The following MEOX2 variants were observed in gnomAD, a reference collection of about 807,000 sequenced individuals.
MEOX2 encodes the protein mesenchyme homeobox 2, also known as homeobox protein MOX-2.
A neutral mutation model predicts 27.0 loss-of-function variants in MEOX2; 11 were observed. The observed-to-expected ratio is 0.41, with a 90% CI of 0.26 to 0.68. The LOEUF is 0.68. MEOX2 is among the 30% of genes least tolerant of loss of function. The pLI is 0.33. For missense variants in MEOX2, 436 were observed against 385.4 expected, an observed-to-expected ratio of 1.13 and a Z score of -1.10; for synonymous variants, 189 against 155.4, an observed-to-expected ratio of 1.22 and a Z score of -1.61.
chr7:15,672,728 T>C (rs1782122677), intron 1 of MEOX2, among the ~76,000 whole-genome samples: 2 of 151,808 alleles, frequency 1.3e-5, no homozygotes, highest in East Asian at 3.9e-4. Flanking sequence ...CCATCTCTAC[T>C]AAAAATACAA....
intron 1 of MEOX2, among the ~76,000 whole-genome samples, chr7:15,628,333 T>A (rs1347604585): frequency 6.6e-6 from 1 of 152,112 alleles, no homozygotes; most frequent in East Asian, 1.9e-4. Context: ...CTTAGCAGTA[T>A]CTAAGTGAGC....
chr7:15,628,948 C>A (rs901387847), intron 1 of MEOX2, among the ~76,000 whole-genome samples: 1 of 152,044 alleles, frequency 6.6e-6, no homozygotes, highest in African/African-American at 2.4e-5. Flanking sequence ...ATTGAAAGAA[C>A]TTTTGCCAAT....
At chr7:15,656,190 T>C (rs1321129896) in intron 1 of MEOX2, among the ~76,000 whole-genome samples, 1 of 151,812 alleles carries the variant, frequency 6.6e-6, no homozygotes, top group Non-Finnish European at 1.5e-5. Context: ...AAAGTTTGCC[T>C]GGTAAATCCT....
chr7:15,625,928 A>C (rs1299127037), intron 2 of MEOX2, among the ~76,000 whole-genome samples: 1 of 152,172 alleles, frequency 6.6e-6, no homozygotes, highest in Non-Finnish European at 1.5e-5. Flanking sequence ...AATAATTTCA[A>C]AGTATTCTCT....
At chr7:15,658,277 T>C (rs1455981865) in intron 1 of MEOX2, among the ~76,000 whole-genome samples, 5 of 152,134 alleles carry the variant, frequency 3.3e-5, no homozygotes, top group Non-Finnish European at 7.4e-5. Context: ...GGGTTCTCAT[T>C]AAAGCCTGGT....
chr7:15,629,367 T>C lies in MEOX2; in HGVS notation c.518-2449A>G, dbSNP rs571501664. 3.3e-5 allele frequency among the ~76,000 whole-genome samples: 5 copies of C among 152,180 alleles called. 1 individual carries two copies. The East Asian group carries it at 9.7e-4, about 29-fold the overall frequency. On this transcript the variant is annotated intron_variant, in intron 1 of 2. Transcript: ENST00000262041. ...ACAGGAGGTTTATACAGCCAGTGAC[T>C]GGATTTAAGCTAAAATCTGGCTGTA...
At chr7:15,624,421 A>AG (rs771266922) in intron 2 of MEOX2, among the ~76,000 whole-genome samples, 47 of 152,272 alleles carry the variant, frequency 3.1e-4, no homozygotes, top group Non-Finnish European at 5.7e-4. Flanking sequence ...CTTCCAATGA[A>AG]GCGATCTTGT....
chr7:15,674,574 G>T (rs918665726), intron 1 of MEOX2, among the ~76,000 whole-genome samples: 31 of 152,038 alleles, frequency 2.0e-4, no homozygotes, highest in African/African-American at 7.2e-4. Flanking sequence ...GTGTGTGTGT[G>T]TGTGTGTGTG....
At chr7:15,630,778 T>C (rs1781388818) in intron 1 of MEOX2, among the ~76,000 whole-genome samples, 1 of 152,044 alleles carries the variant, frequency 6.6e-6, no homozygotes, top group Admixed American at 6.6e-5. Flanking sequence ...GAAAAATTTA[T>C]GAAATCATTC....
chr7:15,682,916 A>G (rs1562618783), intron 1 of MEOX2, among the ~76,000 whole-genome samples: 1 of 152,014 alleles, frequency 6.6e-6, no homozygotes, highest in African/African-American at 2.4e-5. Context: ...TTTAACACAT[A>G]TAAAATATAA....
At chr7:15,665,687 T>C (rs1781992151) in intron 1 of MEOX2, among the ~76,000 whole-genome samples, 1 of 152,200 alleles carries the variant, frequency 6.6e-6, no homozygotes, top group Admixed American at 6.5e-5. Flanking sequence ...TTAAAAATAC[T>C]GGCAAAGTAA....
chr7:15,619,160 T>G (rs4466293), intron 2 of MEOX2, among the ~76,000 whole-genome samples: 2 of 151,776 alleles, frequency 1.3e-5, no homozygotes, highest in Non-Finnish European at 2.9e-5. Context: ...AGTAGAAAAT[T>G]TTCTTAAAAT....
chr7:15,682,410 A>G (rs1010900165), intron 1 of MEOX2, among the ~76,000 whole-genome samples: 2 of 151,840 alleles, frequency 1.3e-5, no homozygotes, highest in African/African-American at 4.8e-5. Context: ...TGCATAGTCA[A>G]GCATATAGAC....
intron 2 of MEOX2, among the ~76,000 whole-genome samples, chr7:15,624,603 A>C (rs1781269694): frequency 6.6e-6 from 1 of 152,152 alleles, no homozygotes; most frequent in Non-Finnish European, 1.5e-5. Flanking sequence ...TAAGAAGATG[A>C]AACCACAGCT....
At chr7:15,629,948 C>T (rs541191790) in intron 1 of MEOX2, among the ~76,000 whole-genome samples, 18 of 151,904 alleles carry the variant, frequency 1.2e-4, no homozygotes, top group Non-Finnish European at 2.4e-4. Flanking sequence ...GGCAAAAGTC[C>T]CTCCCTTTTC....
chr7:15,664,155 T>G (rs1781960118), intron 1 of MEOX2, among the ~76,000 whole-genome samples: 2 of 152,252 alleles, frequency 1.3e-5, no homozygotes, highest in African/African-American at 4.8e-5. Flanking sequence ...AAGAGGGATT[T>G]ACTCTGCTAT....
At chr7:15,631,055 T>A (rs1781392889) in intron 1 of MEOX2, among the ~76,000 whole-genome samples, 1 of 151,936 alleles carries the variant, frequency 6.6e-6, no homozygotes, top group African/African-American at 2.4e-5. Context: ...AAAAATTGGA[T>A]CGAGCACCAC....
At chr7:15,633,737 A>G (rs1031681856) in intron 1 of MEOX2, among the ~76,000 whole-genome samples, 2 of 151,734 alleles carry the variant, frequency 1.3e-5, no homozygotes, top group African/African-American at 4.8e-5. Flanking sequence ...AAATTATTGA[A>G]CTTTTCATTT....
chr7:15,658,433 TC>T (rs1423683942), intron 1 of MEOX2, among the ~76,000 whole-genome samples: 2 of 152,192 alleles, frequency 1.3e-5, no homozygotes, highest in Non-Finnish European at 2.9e-5. Flanking sequence ...CTTTCCTGGA[TC>T]TTTGTCTAAA....
Sources: allele counts gnomAD v4.1 joint callset (sites outside exome capture counted in the v4.1 genomes callset), GRCh38; gene constraint gnomAD v4.1.1; transcripts MANE v1.5; gene names NCBI Gene and HGNC (gene_info 2026-07-23, HGNC 2026-07-21).